RYR2: variants seen among roughly 807,000 people sequenced by gnomAD.
The protein encoded by RYR2 is ryanodine receptor 2, also known as cardiac muscle ryanodine receptor-calcium release channel.
RYR2 carries 227 observed loss-of-function variants against 601.1 expected under a neutral mutation model. That is an observed-to-expected ratio of 0.38 (90% CI 0.34 to 0.42). The LOEUF (loss-of-function observed/expected upper bound fraction) is 0.42, where lower values mean the gene tolerates loss of function less well. Ranked by LOEUF, RYR2 falls within the 10% of genes least tolerant of loss-of-function variation. The pLI is 1.00. For synonymous variants in RYR2, 2,223 were observed against 2,175.1 expected (o/e 1.02, Z -0.61); for missense variants, 4,646 against 6,156.5 (o/e 0.75, Z 8.21).
At chr1:237,505,988 C>T (rs547774548) in intron 22 of RYR2, among the ~76,000 whole-genome samples, 6 of 152,034 alleles carry the variant, frequency 3.9e-5, no homozygotes, top group Admixed American at 2.0e-4. Flanking sequence ...GACATTTATA[C>T]GCTCAAAGAT....
chr1:237,530,403 C>T (rs750827497), intron 24 of RYR2, 24 bp from the exon 25 acceptor site: 5 of 1,556,856 alleles, frequency 3.2e-6, no homozygotes, highest in Non-Finnish European at 4.4e-6. Context: ...AATGATCACA[C>T]TTATCTCTGG....
At chr1:237,322,865 A>T (rs28690813) in intron 2 of RYR2, among the ~76,000 whole-genome samples, 12,941 of 143,388 alleles carry the variant, frequency 0.09, 1,279 homozygotes, top group African/African-American at 0.25. Context: ...ATTTTTTTTT[A>T]AAAAAAAAAA....
At chr1:237,213,067 C>T (rs993614013) in intron 1 of RYR2, among the ~76,000 whole-genome samples, 3 of 151,620 alleles carry the variant, frequency 2.0e-5, no homozygotes, top group East Asian at 2.0e-4. Context: ...CCACCACGAC[C>T]GGCTGATTGG....
Position 237,290,556 on chromosome 1 carries a change from G to A in RYR2, c.168+19940G>A, listed in dbSNP as rs148388842. Among the ~76,000 whole-genome samples the A allele has an allele frequency of 4.2e-3, 636 of 152,164 alleles. 5 individuals carry two copies. Among genetic ancestry groups the A allele is most frequent in the African/African-American group, 0.015 (610 of 41,526 alleles). Reference sequence around the variant, plus strand: ...AAAGCTGATTTTAAAGTCCCCAAAAGCACAAACTACAAAGCAAAATAAAGA... The same window carrying A: ...AAAGCTGATTTTAAAGTCCCCAAAAACACAAACTACAAAGCAAAATAAAGA... On this transcript the variant is annotated intron_variant, in intron 2 of 104. Transcript: ENST00000366574.
chr1:237,368,799 G>GTTTATTTATTTA (rs202090317), intron 5 of RYR2, among the ~76,000 whole-genome samples: 325 of 129,220 alleles, frequency 2.5e-3, no homozygotes, highest in East Asian at 7.1e-3. Flanking sequence ...TTGAATCAAC[G>GTTTATTTATTTA]TTTATTTATT....
Position 237,550,333 on chromosome 1 carries a change from A to G in RYR2, c.3067-211A>G, listed in dbSNP as rs549593058. Among the ~76,000 whole-genome samples the G allele has an allele frequency of 3.6e-4, 55 of 152,200 alleles. 2 individuals are homozygous for G. The South Asian group carries it at 0.01, about 29-fold the overall frequency. ...TTATTGTTGTTTTTCCTTCTCATGG[A>G]GAGGGTCTGCTTTCCATAGATGCGC... On this transcript the variant is annotated intron_variant, in intron 26 of 104. Coordinates refer to ENST00000366574, the MANE Select transcript of RYR2 (RefSeq NM_001035.3).
At chr1:237,240,009 C>G (rs1280121713) in intron 1 of RYR2, among the ~76,000 whole-genome samples, 1 of 152,174 alleles carries the variant, frequency 6.6e-6, no homozygotes, top group Non-Finnish European at 1.5e-5. Flanking sequence ...TAGAAAAGAT[C>G]ATTTTGCTCG....
At chr1:237,743,563 A>G (rs1302351196) in intron 80 of RYR2, 1 of 518,496 alleles carries the variant, frequency 1.9e-6, no homozygotes, top group African/African-American at 1.9e-5. Context: ...GCAATTGTTT[A>G]TTGCTATTTT....
intron 1 of RYR2, among the ~76,000 whole-genome samples, chr1:237,256,029 G>T (rs35272209): frequency 6.6e-6 from 1 of 151,934 alleles, no homozygotes; most frequent in Admixed American, 6.6e-5. Flanking sequence ...TGGCTGTGTC[G>T]CCACCCAAAT....
At chr1:237,468,706 A>G (rs1182033415) in intron 16 of RYR2, among the ~76,000 whole-genome samples, 1 of 152,134 alleles carries the variant, frequency 6.6e-6, no homozygotes. Flanking sequence ...TTTTTATTCT[A>G]TAGGTAAGAA....
At chr1:237,269,849 T>C (rs559123597) in intron 1 of RYR2, among the ~76,000 whole-genome samples, 3 of 152,338 alleles carry the variant, frequency 2.0e-5, no homozygotes, top group African/African-American at 7.2e-5. Flanking sequence ...TCTTTCCCCA[T>C]GTACAGTTTC....
Position 237,271,122 on chromosome 1 carries a change from C to CT in RYR2, c.168+516dup, listed in dbSNP as rs544035298. Among the ~76,000 whole-genome samples, 18 of 148,784 alleles carry CT rather than the reference C, an allele frequency of 1.2e-4. No individual in the cohort carries two copies. The South Asian group carries it at 1.7e-3, about 14-fold the overall frequency. On this transcript the variant is annotated intron_variant, in intron 2 of 104. Coordinates refer to ENST00000366574, the MANE Select transcript of RYR2 (RefSeq NM_001035.3). ...TTCATTGGTAGAAAATGGGATATGG[C>CT]TTTTTTTTTTCCTCAAAGTGTTATC...
chr1:237,309,062 A>C (rs1271575143), intron 2 of RYR2, among the ~76,000 whole-genome samples: 1 of 150,934 alleles, frequency 6.6e-6, no homozygotes, highest in African/African-American at 2.4e-5. Flanking sequence ...TGGTGTGTTT[A>C]CAAACCTTGA....
chr1:237,464,332 T>C (rs1659823127), intron 16 of RYR2, among the ~76,000 whole-genome samples: 1 of 152,174 alleles, frequency 6.6e-6, no homozygotes. Flanking sequence ...CCACAGAACA[T>C]CTCTTCACAT....
chr1:237,375,729 C>CT (rs1700976603), intron 7 of RYR2, among the ~76,000 whole-genome samples: 1 of 152,152 alleles, frequency 6.6e-6, no homozygotes, highest in Non-Finnish European at 1.5e-5. Flanking sequence ...TTTGTACAGG[C>CT]TCTATCATTC....
At chr1:237,443,167 C>A (rs76503097) in intron 13 of RYR2, among the ~76,000 whole-genome samples, 1 of 152,028 alleles carries the variant, frequency 6.6e-6, no homozygotes, top group Non-Finnish European at 1.5e-5. Context: ...TGTTCGTAAG[C>A]CCTTTCTGTA....
At chr1:237,770,670 A>G in intron 84 of RYR2, 137 bp from the exon 85 acceptor site, 1 of 531,686 alleles carries the variant, frequency 1.9e-6, no homozygotes, top group South Asian at 2.6e-5. Flanking sequence ...TTCAGATAGA[A>G]AAGTGGCTAT....
intron 24 of RYR2, 42 bp downstream of exon 24, chr1:237,511,833 T>TCAAAA: frequency 1.1e-5 from 3 of 274,672 alleles, no homozygotes; most frequent in East Asian, 7.2e-5. Context: ...CTGCCTTCCC[T>TCAAAA]GAAAAAAAAA....
intron 99 of RYR2, among the ~76,000 whole-genome samples, chr1:237,807,286 A>C (rs1368672892): frequency 6.6e-6 from 1 of 152,178 alleles, no homozygotes. Flanking sequence ...GTTTCTACAT[A>C]AAAGGTCCGG....
Sources: gnomAD v4.1 joint callset for allele counts (sites outside exome capture counted in the v4.1 genomes callset) on GRCh38, gnomAD v4.1.1 for gene constraint, MANE v1.5 for transcripts, NCBI Gene and HGNC (gene_info 2026-07-23, HGNC 2026-07-21) for gene names.